TEKT3: variants seen among roughly 807,000 people sequenced by gnomAD.
TEKT3 encodes tektin-3.
A neutral mutation model predicts 49.8 loss-of-function variants in TEKT3; 49 were observed. The observed-to-expected ratio is 0.98, with a 90% CI of 0.78 to 1.25. The LOEUF (loss-of-function observed/expected upper bound fraction) is 1.25. Among genes scored for constraint, TEKT3 ranks in the 50% most tolerant of loss-of-function variants. The probability of loss-of-function intolerance (pLI) is 0.00; values close to 1 mark genes in which losing one functional copy is unlikely to be tolerated. For missense variants in TEKT3, 595 were observed against 629.5 expected, an observed-to-expected ratio of 0.95 and a Z score of 0.59; for synonymous variants, 225 against 237.2, an observed-to-expected ratio of 0.95 and a Z score of 0.47.
At chr17:15,318,349 C>T (rs1246219912) in intron 5 of TEKT3, among the ~76,000 whole-genome samples, 1 of 152,028 alleles carries the variant, frequency 6.6e-6, no homozygotes, top group African/African-American at 2.4e-5. Context: ...AACGACCACT[C>T]ATTACTTTTT....
In TEKT3 at chr17:15,306,954, A is replaced by G. The variant is rs1910576273; in HGVS notation, c.1256+1710T>C. On this transcript the variant is annotated intron_variant, in intron 8 of 8. Coordinates refer to ENST00000395930, the MANE Select transcript of TEKT3 (RefSeq NM_031898.3). ...TATCCTAAATAATGAGCTGTGCATG[A>G]AGAGGGGTTCTATGGAACCCACTTT... is the stretch of plus-strand genomic sequence containing the variant. The G allele has an allele frequency of 3.3e-5, 5 of 152,302 alleles. No homozygotes were observed. In the South Asian group the frequency reaches 8.3e-4, roughly 25 times the overall value. The allele number at this position is 152,302 out of a possible 1,614,324, so 9.4% of individuals were successfully genotyped here.
Position 15,331,401 on chromosome 17 carries a change from G to A in TEKT3, c.185C>T (p.Ser62Phe). 1 of 1,614,134 alleles carries A rather than the reference G, an allele frequency of 6.2e-7. No individual in the cohort carries two copies. Among genetic ancestry groups the A allele is most frequent in the Non-Finnish European group, 8.5e-7 (1 of 1,180,022 alleles). ...PSTYYKVASN[S>F]PSVAPYCTRS... ...GGTGCAGTACGGGGCCACGCTTGGG[G>A]AATTGGAGGCGACTTTGTAGTATGT... is the stretch of plus-strand genomic sequence containing the variant. The change falls in exon 3 of 9, where the codon TCC (serine) becomes TTC (phenylalanine). Residue 62 changes from serine to phenylalanine, a missense_variant. Ser to Phe is a radical substitution (Grantham distance 155). Transcript: ENST00000395930.
At chr17:15,339,985 GA>G (rs1168661654) in intron 2 of TEKT3, 42 bp downstream of exon 2, 1 of 152,158 alleles carries the variant, frequency 6.6e-6, no homozygotes, top group African/African-American at 2.4e-5. Context: ...ACACTTTGGA[GA>G]GCTAGATGGT....
intron 4 of TEKT3, among the ~76,000 whole-genome samples, chr17:15,326,441 T>C (rs372882): frequency 0.098 from 14,909 of 151,488 alleles, 865 homozygotes; most frequent in East Asian, 0.22. Context: ...CAAGGAAGAG[T>C]TCATAGCAGA....
intron 5 of TEKT3, among the ~76,000 whole-genome samples, chr17:15,315,351 G>A (rs904113469): frequency 1.3e-5 from 2 of 152,128 alleles, no homozygotes; most frequent in Admixed American, 1.3e-4. Context: ...GTTTTCCTTC[G>A]AGTAAAATTG....
At chr17:15,325,991 A>G (rs2150746421) in intron 4 of TEKT3, among the ~76,000 whole-genome samples, 1 of 152,316 alleles carries the variant, frequency 6.6e-6, no homozygotes, top group Admixed American at 6.5e-5. Flanking sequence ...TTTACAGTAG[A>G]TTACAAAACC....
intron 7 of TEKT3, chr17:15,310,855 A>G (rs181318930): frequency 6.6e-6 from 1 of 152,308 alleles, no homozygotes; most frequent in Non-Finnish European, 1.5e-5. Context: ...CGTCTTCTAC[A>G]ACCTGTCTTC....
At chr17:15,308,304 C>T (rs1036681027) in intron 8 of TEKT3, among the ~76,000 whole-genome samples, 1 of 152,198 alleles carries the variant, frequency 6.6e-6, no homozygotes, top group East Asian at 1.9e-4. Flanking sequence ...CTGGCCTCCC[C>T]GAATGAGTTA....
intron 7 of TEKT3, among the ~76,000 whole-genome samples, chr17:15,309,475 C>T (rs1910678895): frequency 6.6e-6 from 1 of 152,204 alleles, no homozygotes; most frequent in African/African-American, 2.4e-5. Flanking sequence ...TCTCCCTCCT[C>T]TTTCTCTGTA....
At chr17:15,333,607 G>A (rs767787795) in intron 2 of TEKT3, among the ~76,000 whole-genome samples, 3 of 151,884 alleles carry the variant, frequency 2.0e-5, no homozygotes, top group Non-Finnish European at 2.9e-5. Context: ...GAGGCATTAG[G>A]GTCCTTAAAG....
intron 4 of TEKT3, among the ~76,000 whole-genome samples, chr17:15,327,512 G>A (rs972937803): frequency 6.8e-6 from 1 of 146,082 alleles, no homozygotes; most frequent in African/African-American, 2.7e-5. Flanking sequence ...GCAAGACTCT[G>A]TCTCAAAAAA....
At chr17:15,338,899 C>G (rs1436482482) in intron 2 of TEKT3, among the ~76,000 whole-genome samples, 1 of 151,998 alleles carries the variant, frequency 6.6e-6, no homozygotes, top group Non-Finnish European at 1.5e-5. Flanking sequence ...AAAGAAACAG[C>G]AAATTCTTTG....
upstream of TEKT3, among the ~76,000 whole-genome samples, chr17:15,342,103 C>G (rs988498988): frequency 6.6e-6 from 1 of 152,174 alleles, no homozygotes; most frequent in African/African-American, 2.4e-5. Context: ...TTTGGGCTTT[C>G]CCTCTCTCTC....
chr17:15,318,596 A>T, intron 5 of TEKT3, among the ~76,000 whole-genome samples: 1 of 152,072 alleles, frequency 6.6e-6, no homozygotes, highest in Non-Finnish European at 1.5e-5. Flanking sequence ...GTGCAGTAGC[A>T]CAATCAGAGC....
chr17:15,311,991 T>C (rs778474857), intron 7 of TEKT3, among the ~76,000 whole-genome samples: 6 of 152,226 alleles, frequency 3.9e-5, no homozygotes, highest in Non-Finnish European at 8.8e-5. Flanking sequence ...AATAATAATA[T>C]TTTTGTTTCT....
chr17:15,339,989 T>C (rs1912153603), intron 2 of TEKT3, 39 bp downstream of exon 2: 1 of 152,210 alleles, frequency 6.6e-6, no homozygotes, highest in East Asian at 1.9e-4. Context: ...TTTGGAGAGC[T>C]AGATGGTGGT....
chr17:15,324,485 A>C (rs1481014722), intron 4 of TEKT3, among the ~76,000 whole-genome samples: 2 of 152,154 alleles, frequency 1.3e-5, no homozygotes, highest in Non-Finnish European at 2.9e-5. Flanking sequence ...GATCCTATGG[A>C]TCATACAGGG....
intron 2 of TEKT3, among the ~76,000 whole-genome samples, chr17:15,335,433 T>G (rs949621577): frequency 7.2e-5 from 11 of 151,924 alleles, no homozygotes; most frequent in Non-Finnish European, 1.5e-4. Context: ...GATTGGAGGG[T>G]CATTGACAAT....
At chr17:15,319,721 T>C (rs1277045670) in intron 4 of TEKT3, among the ~76,000 whole-genome samples, 1 of 152,208 alleles carries the variant, frequency 6.6e-6, no homozygotes, top group Non-Finnish European at 1.5e-5. Context: ...TAGCCAGGCC[T>C]CTCTACTGGA....
Sources: allele counts gnomAD v4.1 joint callset (sites outside exome capture counted in the v4.1 genomes callset), GRCh38; gene constraint gnomAD v4.1.1; transcripts MANE v1.5; gene names NCBI Gene and HGNC (gene_info 2026-07-23, HGNC 2026-07-21).